R3HDM1: variants seen among roughly 807,000 people sequenced by gnomAD.
R3HDM1 encodes the protein R3H domain containing 1.
A neutral mutation model predicts 141.1 loss-of-function variants in R3HDM1; 46 were observed. The ratio of observed to expected loss-of-function variants is 0.33; its 90% CI spans 0.26 to 0.42. R3HDM1 has a LOEUF of 0.42. R3HDM1 is among the 10% of genes least tolerant of loss of function. R3HDM1 has a pLI of 1.00. For missense variants in R3HDM1, 1,184 were observed against 1,368.3 expected (o/e 0.87, Z 2.12); for synonymous variants, 435 against 472.9 (o/e 0.92, Z 1.04).
intron 3 of R3HDM1, among the ~76,000 whole-genome samples, chr2:135,615,427 T>G (rs2060932790): frequency 6.6e-6 from 1 of 152,188 alleles, no homozygotes; most frequent in Non-Finnish European, 1.5e-5. Context: ...TTAAAACCTA[T>G]CTGGCTCTGG....
intron 1 of R3HDM1, among the ~76,000 whole-genome samples, chr2:135,588,380 C>T (rs940966343): frequency 2.0e-5 from 3 of 152,054 alleles, no homozygotes; most frequent in African/African-American, 7.2e-5. Flanking sequence ...ACTCTGCTCC[C>T]TTTCCCACCC....
intron 1 of R3HDM1, among the ~76,000 whole-genome samples, chr2:135,546,557 A>G (rs1002482926): frequency 2.6e-5 from 4 of 152,172 alleles, no homozygotes; most frequent in African/African-American, 7.2e-5. Flanking sequence ...TAGGCTTATC[A>G]GGTTGTATTA....
At chr2:135,682,803 C>T (rs2070558111) in intron 21 of R3HDM1, among the ~76,000 whole-genome samples, 1 of 152,044 alleles carries the variant, frequency 6.6e-6, no homozygotes, top group Non-Finnish European at 1.5e-5. Context: ...TCAAGACCAG[C>T]CTGGCCAACA....
At chr2:135,693,564 A>C (rs2072772982) in intron 21 of R3HDM1, among the ~76,000 whole-genome samples, 1 of 152,260 alleles carries the variant, frequency 6.6e-6, no homozygotes, top group Non-Finnish European at 1.5e-5. Flanking sequence ...ACCTTGAGAT[A>C]GTATGTGGTA....
chr2:135,704,486 T>A (rs1029009063), intron 21 of R3HDM1, among the ~76,000 whole-genome samples: 3 of 152,028 alleles, frequency 2.0e-5, no homozygotes, highest in Admixed American at 2.0e-4. Flanking sequence ...GCTTTTTTTT[T>A]TTTTTTGAGA....
intron 19 of R3HDM1, chr2:135,667,595 TA>T: frequency 1.1e-6 from 1 of 943,586 alleles, no homozygotes; most frequent in Non-Finnish European, 1.3e-6. Context: ...TCTAATATAC[TA>T]AAATATACTT....
chr2:135,531,835 T>C, intron 1 of R3HDM1: 1 of 985,330 alleles, frequency 1.0e-6, no homozygotes, highest in Non-Finnish European at 1.2e-6. Flanking sequence ...CAGCCCGCCG[T>C]TAGGTCGGGT....
intron 1 of R3HDM1, among the ~76,000 whole-genome samples, chr2:135,593,865 G>A (rs576032939): frequency 9.2e-5 from 14 of 152,140 alleles, no homozygotes; most frequent in African/African-American, 2.7e-4. Context: ...GATTACAGGC[G>A]CGCACCACCA....
chr2:135,599,562 T>G (rs186880772), intron 1 of R3HDM1, among the ~76,000 whole-genome samples: 1 of 152,360 alleles, frequency 6.6e-6, no homozygotes, highest in Non-Finnish European at 1.5e-5. Flanking sequence ...GTGCCATGTC[T>G]ATCTTGTAGC....
intron 18 of R3HDM1, among the ~76,000 whole-genome samples, chr2:135,652,729 G>A (rs10928542): frequency 0.49 from 74,699 of 151,878 alleles, 23,070 homozygotes; most frequent in East Asian, 0.88. Flanking sequence ...ATTTCTTCTC[G>A]CATGTTTGCC....
chr2:135,581,766 A>G (rs2074379004), intron 1 of R3HDM1, among the ~76,000 whole-genome samples: 2 of 151,980 alleles, frequency 1.3e-5, no homozygotes, highest in South Asian at 4.2e-4. Flanking sequence ...GTATCTCTCC[A>G]CTGTCTTCAT....
chr2:135,707,335 T>C (rs2105430146), intron 21 of R3HDM1, among the ~76,000 whole-genome samples: 1 of 152,322 alleles, frequency 6.6e-6, no homozygotes, highest in South Asian at 2.1e-4. Context: ...TTTTCTAAAG[T>C]GTTTAAGTGA....
chr2:135,656,532 A>G (rs767207163), intron 18 of R3HDM1: 1 of 151,848 alleles, frequency 6.6e-6, no homozygotes, highest in South Asian at 2.1e-4. Context: ...GGGCCATGCT[A>G]ATCTTCTCTG....
In R3HDM1 at chr2:135,632,054, A is replaced by T. The variant is rs2062763580; in HGVS notation, c.698+53A>T. 3.8e-6 allele frequency: 5 copies of T among 1,326,608 alleles called. No individual in the cohort carries two copies. The South Asian group carries it at 6.9e-5, about 18-fold the overall frequency. 82.2% of individuals were successfully genotyped at this position (1,326,608 alleles called of 1,614,324 possible). On this transcript the variant is annotated intron_variant, in intron 9 of 26. Transcript: ENST00000683871. ...TTATATATCTAAATAATAATACTTT[A>T]TCTTTCTATATTACCTTTCATCTGA...
At chr2:135,688,831 G>A (rs1484161343) in intron 21 of R3HDM1, among the ~76,000 whole-genome samples, 1 of 152,150 alleles carries the variant, frequency 6.6e-6, no homozygotes, top group Non-Finnish European at 1.5e-5. Context: ...AGCTACTCAA[G>A]AGGCTGAGGT....
chr2:135,567,756 T>A (rs1319517993), intron 1 of R3HDM1, among the ~76,000 whole-genome samples: 2 of 152,178 alleles, frequency 1.3e-5, no homozygotes, highest in East Asian at 3.8e-4. Context: ...TGATTTTTTT[T>A]AGAGATAACG....
intron 1 of R3HDM1, among the ~76,000 whole-genome samples, chr2:135,572,881 C>G (rs145072674): frequency 3.3e-4 from 50 of 152,186 alleles, no homozygotes; most frequent in African/African-American, 1.1e-3. Flanking sequence ...TATCACTGTG[C>G]TAAGTGAAGG....
intron 23 of R3HDM1, among the ~76,000 whole-genome samples, chr2:135,712,716 T>C (rs976074021): frequency 6.7e-6 from 1 of 148,684 alleles, no homozygotes; most frequent in African/African-American, 2.5e-5. Context: ...GATCAGGAGA[T>C]CGAGACCATC....
At chr2:135,645,563 C>T in intron 16 of R3HDM1, 36 bp downstream of exon 16, 1 of 1,600,590 alleles carries the variant, frequency 6.2e-7, no homozygotes, top group Non-Finnish European at 8.5e-7. Context: ...GCTAAGTTGA[C>T]TTGCCTTTAC....
Sources: allele counts gnomAD v4.1 joint callset (sites outside exome capture counted in the v4.1 genomes callset), GRCh38; gene constraint gnomAD v4.1.1; transcripts MANE v1.5; gene names NCBI Gene and HGNC (gene_info 2026-07-23, HGNC 2026-07-21).